The following NOVA2 variants were observed in gnomAD, a reference collection of about 807,000 sequenced individuals.
NOVA2 encodes RNA-binding protein Nova-2.
In NOVA2, 9 loss-of-function variants were observed where a neutral mutation model predicts 22.5. The ratio of observed to expected loss-of-function variants is 0.40; its 90% CI spans 0.24 to 0.70. The LOEUF (loss-of-function observed/expected upper bound fraction) is 0.70, where lower values mean the gene tolerates loss of function less well. Among genes scored for constraint, NOVA2 ranks in the 30% least tolerant of loss-of-function variants. The pLI is 0.38. For synonymous variants in NOVA2, 318 were observed against 335.2 expected (o/e 0.95, Z 0.56); for missense variants, 383 against 682.8 (o/e 0.56, Z 4.89).
Position 45,973,380 on chromosome 19 carries a change from T to G in NOVA2, c.-29A>C. On this transcript the variant is annotated 5_prime_UTR_variant, in exon 1 of 4. Coordinates refer to ENST00000263257, the MANE Select transcript of NOVA2 (RefSeq NM_002516.4). ...GGGGGCCTGGGGCGGCGGCTGCTGC[T>G]GCTGCGGCGGCTGCGGCGGCGGCGG... 2.7e-6 allele frequency: 2 copies of G among 743,846 alleles called. No homozygotes were observed. Among genetic ancestry groups the G allele is most frequent in the Non-Finnish European group, 3.5e-6 (2 of 564,994 alleles). The allele number at this position is 743,846 out of a possible 1,614,324, so 46.1% of individuals were successfully genotyped here. A position where few individuals can be genotyped will look rare whatever the true frequency, so the allele number is the denominator to read the frequency against.
At chr19:45,964,302 G>A (rs1396255484) in intron 1 of NOVA2, among the ~76,000 whole-genome samples, 2 of 149,406 alleles carry the variant, frequency 1.3e-5, no homozygotes, top group Non-Finnish European at 1.5e-5. Flanking sequence ...GCCTCAGCCT[G>A]CGGAGTAGCT....
chr19:45,941,781 T>A (rs917084352), intron 3 of NOVA2, among the ~76,000 whole-genome samples: 1 of 152,066 alleles, frequency 6.6e-6, no homozygotes, highest in African/African-American at 2.4e-5. Flanking sequence ...CAATGGTTGG[T>A]TAATGAATAG....
chr19:45,956,637 G>C (rs915278885), intron 2 of NOVA2, among the ~76,000 whole-genome samples: 6 of 152,054 alleles, frequency 3.9e-5, no homozygotes, highest in African/African-American at 1.4e-4. Context: ...GCCCGTCTAA[G>C]TTTTGCATTT....
rs150400229 is a variant in NOVA2, at chr19:45,957,439, T to C, written c.230-3493A>G. On this transcript the variant is annotated intron_variant, in intron 2 of 3. Coordinates refer to ENST00000263257, the MANE Select transcript of NOVA2 (RefSeq NM_002516.4). ...CTGTGATCCCAGCTACTCGGGAGGC[T>C]GAGACAGGAGAATCGCTTGAACCTG... Among the ~76,000 whole-genome samples the C allele has an allele frequency of 2.2e-3, 326 of 151,572 alleles. 1 individual carries two copies. The highest frequency in any genetic ancestry group is 7.6e-3 in the African/African-American group (314 of 41,272).
intron 2 of NOVA2, among the ~76,000 whole-genome samples, chr19:45,955,649 A>ACTT (rs1054360867): frequency 4.5e-4 from 68 of 152,108 alleles, no homozygotes; most frequent in South Asian, 6.2e-4. Flanking sequence ...CATGAGGTCA[A>ACTT]GAGATCGAGA....
At chr19:45,968,439 T>A (rs1382043868) in intron 1 of NOVA2, among the ~76,000 whole-genome samples, 1 of 151,986 alleles carries the variant, frequency 6.6e-6, no homozygotes, top group Non-Finnish European at 1.5e-5. Context: ...AGTGTGCTTA[T>A]GTAGGGATGA....
At chr19:45,958,012 T>G (rs960537438) in intron 2 of NOVA2, among the ~76,000 whole-genome samples, 1 of 148,718 alleles carries the variant, frequency 6.7e-6, no homozygotes, top group Non-Finnish European at 1.5e-5. Context: ...CTCGGGAGGC[T>G]GAGGCAGGGG....
Position 45,954,918 on chromosome 19 carries a change from T to C in NOVA2, c.230-972A>G, listed in dbSNP as rs893396785. On this transcript the variant is annotated intron_variant, in intron 2 of 3. Transcript: ENST00000263257. ...TACTTGAGCAGGACTAGCTAGATGATCCTAATCTGTGTTTGTAGAAGATAA... is the reference window on the plus strand; with the variant it reads ...TACTTGAGCAGGACTAGCTAGATGACCCTAATCTGTGTTTGTAGAAGATAA... 6.6e-5 allele frequency among the ~76,000 whole-genome samples: 10 copies of C among 150,396 alleles called. No individual in the cohort carries two copies. The East Asian group carries it at 2.0e-3, about 30-fold the overall frequency.
At chr19:45,971,123 A>T (rs1466868435) in intron 1 of NOVA2, among the ~76,000 whole-genome samples, 2 of 152,164 alleles carry the variant, frequency 1.3e-5, no homozygotes, top group Non-Finnish European at 2.9e-5. Context: ...ATCTGTAAAG[A>T]TGCTCAAATC....
rs1184962342 is a variant in NOVA2, at chr19:45,940,019, C to T, written c.1323G>A (p.Gln441=). The change falls in exon 4 of 4, where the codon CAG becomes CAA. Residue 441 remains glutamine, a synonymous_variant. Coordinates refer to ENST00000263257, the MANE Select transcript of NOVA2 (RefSeq NM_002516.4). Reference sequence around the variant, plus strand: ...GCAGGAACTCGCCCTTCTTGGAGATCTGGATGCGAGCGCCCGTCAGCTCCT... The same window carrying T: ...GCAGGAACTCGCCCTTCTTGGAGATTTGGATGCGAGCGCCCGTCAGCTCCT... ...EYQELTGARI[Q]ISKKGEFLPG... The T allele has an allele frequency of 6.2e-7, 1 of 1,614,004 alleles. No individual in the cohort carries two copies. Among genetic ancestry groups the T allele is most frequent in the African/African-American group, 1.3e-5 (1 of 74,936 alleles).
At chr19:45,948,599 CAAAA>C (rs1227808626) in intron 3 of NOVA2, among the ~76,000 whole-genome samples, 6 of 72,682 alleles carry the variant, frequency 8.3e-5, no homozygotes, top group Admixed American at 1.6e-4. Flanking sequence ...GACTCTGTCT[CAAAA>C]AAAAAAAAAA....
intron 2 of NOVA2, among the ~76,000 whole-genome samples, chr19:45,955,930 C>T (rs866088903): frequency 6.6e-6 from 1 of 152,232 alleles, no homozygotes; most frequent in Non-Finnish European, 1.5e-5. Context: ...GGCTGTGTAC[C>T]TGTGTGTCTG....
chr19:45,941,047 T>TG (rs1967750033), intron 3 of NOVA2, 102 bp from the exon 4 acceptor site: 4 of 1,134,114 alleles, frequency 3.5e-6, no homozygotes, highest in South Asian at 1.6e-5. Context: ...CCCAGCACTT[T>TG]GGGGGGCTGA....
At chr19:45,952,354 T>C (rs544143924) in intron 3 of NOVA2, among the ~76,000 whole-genome samples, 5 of 152,162 alleles carry the variant, frequency 3.3e-5, no homozygotes, top group Non-Finnish European at 7.3e-5. Flanking sequence ...CAAGGTCACA[T>C]AGGACGTAAG....
Position 45,953,822 on chromosome 19 carries a change from G to C in NOVA2, c.354C>G (p.Ile118Met). The stretch of plus-strand genomic sequence containing the variant: ...GGTTCATCGTGGTTTGGGGTTGAAG[G>C]ATGTTGACCACCTCAGGCTTGGTCA... ...QAMTKPEVVNILQPQTTMNPD... is the reference protein window; with the variant it reads ...QAMTKPEVVNMLQPQTTMNPD... Residue 118 changes from isoleucine to methionine, a missense_variant, in exon 3 of 4, where the codon ATC becomes ATG. This residue lies in a region of NOVA2 where 349 missense variants were observed against 578.1 expected (regional missense o/e 0.60). Coordinates refer to ENST00000263257, the MANE Select transcript of NOVA2 (RefSeq NM_002516.4). The C allele has an allele frequency of 6.2e-7, 1 of 1,614,204 alleles. No individual in the cohort carries two copies.
intron 1 of NOVA2, among the ~76,000 whole-genome samples, chr19:45,963,554 CAG>C (rs1319180799): frequency 1.3e-5 from 2 of 149,970 alleles, no homozygotes; most frequent in African/African-American, 2.5e-5. Context: ...TCTTTTGAGA[CAG>C]AGTCTCGCTC....
chr19:45,965,084 A>C (rs972170498), intron 1 of NOVA2, among the ~76,000 whole-genome samples: 22 of 152,088 alleles, frequency 1.4e-4, no homozygotes, highest in Non-Finnish European at 2.5e-4. Flanking sequence ...CCTGACCCCT[A>C]CTGAATTCAT....
At position 45,940,594 on chromosome 19, in the gene NOVA2, A is replaced by C; in HGVS notation, c.748T>G (p.Ser250Ala). The C allele has an allele frequency of 7.0e-7, 1 of 1,423,144 alleles. No homozygotes were observed. The highest frequency in any genetic ancestry group is 9.1e-7 in the Non-Finnish European group (1 of 1,099,998). The allele number at this position is 1,423,144 out of a possible 1,614,324, so 88.2% of individuals were successfully genotyped here. ...AGCCCGGCGGGGCCCAGCAGGCCGG[A>C]GGCGGCGGCGGCCGACGCTGCGGCC... ...AAAAASAAAA[S>A]GLLGPAGLAG... The change falls in exon 4 of 4, where the codon TCC (serine) becomes GCC (alanine). Residue 250 changes from serine (S) to alanine (A), a missense_variant. Transcript: ENST00000263257.
intron 2 of NOVA2, among the ~76,000 whole-genome samples, chr19:45,958,525 G>A (rs995805289): frequency 3.0e-5 from 4 of 135,430 alleles, no homozygotes; most frequent in African/African-American, 1.3e-4. Flanking sequence ...GTGACAATGT[G>A]TGACAGTGTG....
Sources: gnomAD v4.1 joint callset for allele counts (sites outside exome capture counted in the v4.1 genomes callset) on GRCh38, gnomAD v4.1.1 for gene constraint, gnomAD v4.1.1 regional missense constraint, MANE v1.5 for transcripts, NCBI Gene and HGNC (gene_info 2026-07-23, HGNC 2026-07-21) for gene names.